The following TACC2 variants were observed in gnomAD, a reference collection of about 807,000 sequenced individuals.
TACC2 encodes transforming acidic coiled-coil containing protein 2.
TACC2 carries 137 observed loss-of-function variants against 227.3 expected under a neutral mutation model. The observed-to-expected ratio is 0.60, with a 90% CI of 0.52 to 0.69. The LOEUF is 0.69. Among genes scored for constraint, TACC2 ranks in the 30% least tolerant of loss-of-function variants. The pLI is 0.00. For synonymous variants in TACC2, 1,523 were observed against 1,487.5 expected (o/e 1.02, Z -0.55); for missense variants, 3,470 against 3,694.4 (o/e 0.94, Z 1.57).
intron 3 of TACC2, among the ~76,000 whole-genome samples, chr10:122,081,800 A>G (rs1483948042): frequency 6.6e-6 from 1 of 152,192 alleles, no homozygotes; most frequent in Admixed American, 6.5e-5. Context: ...GAAATTCCAT[A>G]GCCAAATATA....
intron 1 of TACC2, among the ~76,000 whole-genome samples, chr10:122,014,586 G>T (rs1490824705): frequency 2.0e-5 from 3 of 152,158 alleles, no homozygotes; most frequent in African/African-American, 4.8e-5. Context: ...ATAAAATGGG[G>T]CATCAGCCTG....
chr10:122,072,197 C>T (rs1017604101), intron 3 of TACC2, among the ~76,000 whole-genome samples: 2 of 151,958 alleles, frequency 1.3e-5, no homozygotes, highest in South Asian at 2.1e-4. Context: ...CCTTGTGATC[C>T]GCTTGCCTTG....
chr10:122,176,113 CTCTCTATATATATATATA>C (rs1351456419), intron 7 of TACC2, among the ~76,000 whole-genome samples: 4 of 54,830 alleles, frequency 7.3e-5, no homozygotes, highest in African/African-American at 2.3e-4. Flanking sequence ...CTCTCTCTCT[CTCTCTATATATATATATA>C]TATATATATA....
chr10:122,159,293 G>A (rs2092680570), intron 7 of TACC2, among the ~76,000 whole-genome samples: 1 of 152,220 alleles, frequency 6.6e-6, no homozygotes, highest in South Asian at 2.1e-4. Flanking sequence ...GAGTGATGCG[G>A]CAGTGTGTCC....
chr10:122,007,970 C>T (rs533413244), intron 1 of TACC2, among the ~76,000 whole-genome samples: 6 of 152,248 alleles, frequency 3.9e-5, no homozygotes, highest in Non-Finnish European at 7.3e-5. Context: ...TGCCTCTGAC[C>T]ACCTCAGGAC....
intron 7 of TACC2, among the ~76,000 whole-genome samples, chr10:122,151,466 G>A (rs1024313911): frequency 9.2e-5 from 14 of 152,076 alleles, no homozygotes; most frequent in Non-Finnish European, 1.9e-4. Flanking sequence ...GGAACTGGAG[G>A]GACTAGAGGG....
intron 7 of TACC2, among the ~76,000 whole-genome samples, chr10:122,162,752 G>C (rs940000648): frequency 1.1e-4 from 17 of 152,194 alleles, no homozygotes; most frequent in Non-Finnish European, 2.4e-4. Context: ...TGGGCACTGG[G>C]AGCTTGGTGA....
intron 9 of TACC2, among the ~76,000 whole-genome samples, chr10:122,213,771 T>G (rs2095345237): frequency 6.6e-6 from 1 of 152,244 alleles, no homozygotes; most frequent in Non-Finnish European, 1.5e-5. Flanking sequence ...TTAAAATAAC[T>G]GTCTGGTCTA....
At chr10:122,038,728 G>T (rs909312675) in intron 2 of TACC2, among the ~76,000 whole-genome samples, 1 of 152,156 alleles carries the variant, frequency 6.6e-6, no homozygotes, top group Non-Finnish European at 1.5e-5. Flanking sequence ...GTGAAGGGAA[G>T]GTCAAGGTTA....
chr10:122,172,081 C>G (rs1039653708), intron 7 of TACC2, among the ~76,000 whole-genome samples: 1 of 152,172 alleles, frequency 6.6e-6, no homozygotes, highest in South Asian at 2.1e-4. Flanking sequence ...CTCTCGGTAC[C>G]TGACACCTGT....
intron 6 of TACC2, among the ~76,000 whole-genome samples, chr10:122,140,556 G>A (rs1201396635): frequency 6.6e-6 from 1 of 152,228 alleles, no homozygotes; most frequent in African/African-American, 2.4e-5. Flanking sequence ...TCTAGCAGGT[G>A]GAATGAGACT....
At chr10:122,160,621 A>G (rs1378680191) in intron 7 of TACC2, among the ~76,000 whole-genome samples, 1 of 151,966 alleles carries the variant, frequency 6.6e-6, no homozygotes, top group Non-Finnish European at 1.5e-5. Flanking sequence ...TCTAATTCTA[A>G]TTACCTCCCA....
At chr10:122,092,046 G>C (rs535550652) in intron 5 of TACC2, among the ~76,000 whole-genome samples, 2 of 152,222 alleles carry the variant, frequency 1.3e-5, no homozygotes, top group Non-Finnish European at 2.9e-5. Context: ...TGCCCAGTGG[G>C]TGTTAGATTC....
rs188731536 is a variant in TACC2 at position 122,061,190 on chromosome 10, A to T, written c.146+10640A>T. 7.1e-3 allele frequency among the ~76,000 whole-genome samples: 1,023 copies of T among 143,450 alleles called. 9 individuals are homozygous for T. Among genetic ancestry groups the T allele is most frequent in the Middle Eastern group, 0.018 (5 of 278 alleles). The allele number at this position is 143,450 out of a possible 152,430, so 94.1% of individuals were successfully genotyped here. On this transcript the variant is annotated intron_variant, in intron 3 of 22. Transcript: ENST00000369005. ...GCCGGGCGTGGTGGCAGGTGCCTGT[A>T]GTCCCAGCTGCTTGGGAGGCTGAGG...
chr10:122,086,367 C>T lies in TACC2; in HGVS notation c.3867C>T (p.Gly1289=). Residue 1289 remains glycine (G), a synonymous_variant, in exon 4 of 23, where the codon GGC becomes GGT. Coordinates refer to ENST00000369005, the MANE Select transcript of TACC2 (RefSeq NM_206862.4). ...CTGCCTCCTTGAAGCTGTTTGCTGG[C>T]TCCCTCGCCCCCCTGTTGCAACCAG... The part of the protein sequence containing the change: ...ENAASLKLFA[G]SLAPLLQPGA... 6.2e-7 allele frequency: 1 copy of T among 1,613,668 alleles called. No homozygotes were observed. The highest frequency in any genetic ancestry group is 8.5e-7 in the Non-Finnish European group (1 of 1,180,012).
intron 3 of TACC2, among the ~76,000 whole-genome samples, chr10:122,063,454 G>A (rs1440937383): frequency 6.6e-6 from 1 of 152,216 alleles, no homozygotes; most frequent in Non-Finnish European, 1.5e-5. Flanking sequence ...CCTGACTTTT[G>A]ACGCTGGCTG....
At chr10:122,038,292 C>T (rs2073831403) in intron 2 of TACC2, among the ~76,000 whole-genome samples, 1 of 152,054 alleles carries the variant, frequency 6.6e-6, no homozygotes, top group East Asian at 1.9e-4. Flanking sequence ...AACAAACACA[C>T]AAACCAAAAA....
chr10:122,074,631 A>C (rs544778174), intron 3 of TACC2, among the ~76,000 whole-genome samples: 3 of 152,142 alleles, frequency 2.0e-5, no homozygotes, highest in African/African-American at 4.8e-5. Context: ...GAGTGGGTCA[A>C]ATACAGGGAT....
intron 7 of TACC2, among the ~76,000 whole-genome samples, chr10:122,167,305 C>T (rs564352561): frequency 3.9e-4 from 59 of 152,154 alleles, no homozygotes; most frequent in African/African-American, 1.3e-3. Context: ...GGGAGAGAAG[C>T]GATGGAGGAG....
Sources: allele counts gnomAD v4.1 joint callset (sites outside exome capture counted in the v4.1 genomes callset), GRCh38; gene constraint gnomAD v4.1.1; transcripts MANE v1.5; gene names NCBI Gene and HGNC (gene_info 2026-07-23, HGNC 2026-07-21).